Variants in SLC5A2 observed in about 807,000 individuals in gnomAD.
The protein encoded by SLC5A2 is sodium/glucose cotransporter 2.
SLC5A2 carries 67 observed loss-of-function variants against 69.0 expected under a neutral mutation model. The observed-to-expected ratio is 0.97, with a 90% CI of 0.80 to 1.19. SLC5A2 has a LOEUF of 1.19. Among genes scored for constraint, SLC5A2 ranks in the 50% most tolerant of loss-of-function variants. SLC5A2 has a pLI of 0.00. For synonymous variants in SLC5A2, 455 were observed against 395.8 expected (o/e 1.15, Z -1.78); for missense variants, 1,001 against 921.5 (o/e 1.09, Z -1.12).
At chr16:31,488,219 C>T in intron 8 of SLC5A2, 46 bp downstream of exon 8, 1 of 1,613,780 alleles carries the variant, frequency 6.2e-7, no homozygotes, top group Non-Finnish European at 8.5e-7. Context: ...AACCGGGCGC[C>T]CGTCGCCCAG....
chr16:31,488,935 G>A lies in SLC5A2; in HGVS notation c.1336G>A (p.Ala446Thr), dbSNP rs1249025712. 1 of 1,604,256 alleles carries A rather than the reference G, an allele frequency of 6.2e-7. No homozygotes were observed. The highest frequency in any genetic ancestry group is 1.1e-5 in the South Asian group (1 of 91,076). Reference protein sequence around the residue: ...VSVAWLPVVQAAQGGQLFDYI... With the variant: ...VSVAWLPVVQTAQGGQLFDYI... ...GGTGGCCTGGCTTCCCGTGGTGCAG[G>A]CGGCACAGGGCGGGCAGCTCTTCGA... The change falls in exon 11 of 14, where the codon GCG becomes ACG. Residue 446 changes from alanine (A) to threonine (T), a missense_variant. By Grantham distance (58) the Ala-to-Thr change is moderately conservative. Transcript: ENST00000330498.
intron 1 of SLC5A2, 129 bp from the exon 2 acceptor site, chr16:31,484,544 G>A: frequency 9.9e-7 from 1 of 1,012,790 alleles, no homozygotes; most frequent in Non-Finnish European, 1.5e-6. Context: ...GGGGGTGGGA[G>A]TGCAAACGAT....
chr16:31,483,262 G>A lies in SLC5A2; in HGVS notation c.126G>A (p.Trp42Ter), dbSNP rs199808451. 2 of 1,614,030 alleles carry A rather than the reference G, an allele frequency of 1.2e-6. No homozygotes were observed. The highest frequency in any genetic ancestry group is 2.2e-5 in the East Asian group (1 of 44,874). The change falls in exon 1 of 14, where the codon TGG (tryptophan) becomes TGA (stop). Residue 42 changes from tryptophan (W) to a stop codon, truncating the protein, a stop_gained and splice_region_variant. Coordinates refer to ENST00000330498, the MANE Select transcript of SLC5A2 (RefSeq NM_003041.4). LOFTEE classifies it high-confidence loss of function. ...YFLLVIGVGL[W>*]SMCRTNRGTV... ...TGCTGGTCATTGGCGTTGGCTTGTG[G>A]GTGAGAAGTTGGGGGGTGTGCTGCT...
intron 1 of SLC5A2, among the ~76,000 whole-genome samples, chr16:31,484,329 G>A (rs2082478121): frequency 6.6e-6 from 1 of 151,660 alleles, no homozygotes; most frequent in African/African-American, 2.4e-5. Context: ...GCTGAGGCAT[G>A]AGAATTGCTT....
chr16:31,489,485 A>C, intron 12 of SLC5A2, 147 bp downstream of exon 12: 1 of 722,736 alleles, frequency 1.4e-6, no homozygotes. Context: ...TTGCCGAGCA[A>C]GAATTTTTAT....
intron 12 of SLC5A2, 83 bp downstream of exon 12, chr16:31,489,421 T>A: frequency 7.8e-7 from 1 of 1,279,928 alleles, no homozygotes; most frequent in South Asian, 1.2e-5. Context: ...TGGGAGGACC[T>A]GAATTTCTCG....
chr16:31,490,348 T>C lies in SLC5A2; in HGVS notation c.1832T>C (p.Leu611Pro), dbSNP rs2082552992. The change falls in exon 14 of 14, where the codon CTG becomes CCG. Residue 611 changes from leucine to proline, a missense_variant. Leu to Pro is a moderately conservative substitution (Grantham distance 98). Coordinates refer to ENST00000330498, the MANE Select transcript of SLC5A2 (RefSeq NM_003041.4). The stretch of plus-strand genomic sequence containing the variant: ...GCACCAAGCCTCTTCCGCCAGTGCC[T>C]GCTCTGGTTTTGTGGAATGAGCAGA... ...APAPSLFRQC[L>P]LWFCGMSRGG... The C allele has an allele frequency of 6.2e-7, 1 of 1,612,808 alleles. No individual in the cohort carries two copies. The highest frequency in any genetic ancestry group is 1.7e-5 in the Admixed American group (1 of 59,796).
At chr16:31,488,817 G>C (rs774048685) in intron 10 of SLC5A2, 45 bp downstream of exon 10, 4 of 1,600,634 alleles carry the variant, frequency 2.5e-6, no homozygotes, top group Non-Finnish European at 1.7e-6. Context: ...AGCCCGGGGC[G>C]GGGGCTTGCG....
At chr16:31,488,826 C>G in intron 10 of SLC5A2, 54 bp downstream of exon 10, 1 of 1,600,598 alleles carries the variant, frequency 6.2e-7, no homozygotes, top group East Asian at 2.2e-5. Flanking sequence ...CGGGGGCTTG[C>G]GCACCTGCAG....
Position 31,483,257 on chromosome 16 carries a change from TTGTGGG to T in SLC5A2, c.124_126+3del. 6.2e-7 allele frequency: 1 copy of T among 1,613,362 alleles called. No individual in the cohort carries two copies. The highest frequency in any genetic ancestry group is 8.5e-7 in the Non-Finnish European group (1 of 1,179,694). ...TTTCCTGCTGGTCATTGGCGTTGGC[TTGTGGG>T]TGAGAAGTTGGGGGGTGTGCTGCTG... On this transcript the variant is annotated splice_donor_variant and coding_sequence_variant, in exon 1 of 14. Transcript: ENST00000330498. LOFTEE classifies it high-confidence loss of function.
rs1324674688 is a variant in SLC5A2, at chr16:31,488,678, T to A, written c.1186T>A (p.Ser396Thr). ...MLAALMSSLASIFNSSSTLFT... is the reference protein window; with the variant it reads ...MLAALMSSLATIFNSSSTLFT... ...GGCCGCGCTCATGTCCTCGCTGGCCTCCATCTTCAACAGCAGCAGCACGCT... is the reference window on the plus strand; with the variant it reads ...GGCCGCGCTCATGTCCTCGCTGGCCACCATCTTCAACAGCAGCAGCACGCT... Residue 396 changes from serine (S) to threonine (T), a missense_variant, in exon 10 of 14, where the codon TCC (serine) becomes ACC (threonine). By Grantham distance (58) the Ser-to-Thr change is moderately conservative (BLOSUM62 1). Coordinates refer to ENST00000330498, the MANE Select transcript of SLC5A2 (RefSeq NM_003041.4). 1 of 1,612,668 alleles carries A rather than the reference T, an allele frequency of 6.2e-7. No homozygotes were observed. Among genetic ancestry groups the A allele is most frequent in the Non-Finnish European group, 8.5e-7 (1 of 1,179,576 alleles).
intron 3 of SLC5A2, chr16:31,485,189 T>C (rs910662307): frequency 1.9e-5 from 11 of 582,274 alleles, no homozygotes; most frequent in Admixed American, 5.5e-5. Flanking sequence ...TATTCCTCTC[T>C]GAGTGGGGTG....
At position 31,483,195 on chromosome 16, in the gene SLC5A2, T is replaced by C. The variant is rs755173135; in HGVS notation, c.59T>C (p.Ile20Thr). 3.1e-6 allele frequency: 5 copies of C among 1,614,040 alleles called. No homozygotes were observed. Among genetic ancestry groups the C allele is most frequent in the South Asian group, 1.1e-5 (1 of 91,080 alleles). Residue 20 changes from isoleucine (I) to threonine (T), a missense_variant, in exon 1 of 14, where the codon ATT (isoleucine) becomes ACT (threonine). By Grantham distance (89) the Ile-to-Thr change is moderately conservative. Transcript: ENST00000330498. ...GAGATGGGGGCCCAGAAGGCCCTGA[T>C]TGACAATCCTGCTGACATCCTAGTC... ...APEMGAQKAL[I>T]DNPADILVIA... is the part of the protein sequence containing the mutation.
At chr16:31,489,375 C>A (rs1365259057) in intron 12 of SLC5A2, 37 bp downstream of exon 12, 2 of 1,568,640 alleles carry the variant, frequency 1.3e-6, no homozygotes, top group African/African-American at 2.7e-5. Flanking sequence ...CACTGTGGGA[C>A]ACAGCACCTA....
intron 1 of SLC5A2, 59 bp downstream of exon 1, chr16:31,483,321 G>C (rs2082470751): frequency 1.9e-6 from 3 of 1,604,322 alleles, no homozygotes; most frequent in East Asian, 2.2e-5. Context: ...TGGGGGAAAA[G>C]TCTCAGGGGG....
At position 31,487,684 on chromosome 16, in the gene SLC5A2, G is replaced by T; in HGVS notation, c.810G>T (p.Val270=). 1.2e-6 allele frequency: 2 copies of T among 1,613,594 alleles called. No homozygotes were observed. Among genetic ancestry groups the T allele is most frequent in the South Asian group, 2.2e-5 (2 of 91,086 alleles). The part of the protein sequence containing the change: ...PDSYHLLRHP[V]TGDLPWPALL... ...CCTACCACCTGCTCCGGCACCCCGT[G>T]ACCGGGGATCTGCCGTGGCCCGCGC... Residue 270 remains valine, a synonymous_variant, in exon 7 of 14, where the codon GTG becomes GTT. Coordinates refer to ENST00000330498, the MANE Select transcript of SLC5A2 (RefSeq NM_003041.4).
intron 12 of SLC5A2, 26 bp downstream of exon 12, chr16:31,489,364 G>T (rs747292654): frequency 1.3e-6 from 2 of 1,593,102 alleles, no homozygotes; most frequent in Non-Finnish European, 1.7e-6. Context: ...CCCCAGGCAA[G>T]CACTGTGGGA....
chr16:31,485,425 C>T (rs1406170212), intron 3 of SLC5A2: 1 of 507,478 alleles, frequency 2.0e-6, no homozygotes, highest in Non-Finnish European at 3.6e-6. Context: ...GTGGCTTTGG[C>T]TCAGGTCAGT....
chr16:31,483,710 G>A (rs1390223679), intron 1 of SLC5A2, among the ~76,000 whole-genome samples: 1 of 151,978 alleles, frequency 6.6e-6, no homozygotes, highest in East Asian at 1.9e-4. Context: ...TGGCCCACAT[G>A]GTGAAACCGT....
Sources: allele counts gnomAD v4.1 joint callset (sites outside exome capture counted in the v4.1 genomes callset), GRCh38; gene constraint gnomAD v4.1.1; transcripts MANE v1.5; gene names NCBI Gene and HGNC (gene_info 2026-07-23, HGNC 2026-07-21).